The following DAW1 variants were observed in gnomAD, a reference collection of about 807,000 sequenced individuals.
DAW1 encodes dynein assembly factor with WD repeat domains 1.
Under a neutral mutation model 56.5 loss-of-function variants are expected in DAW1, and 47 were observed. The ratio of observed to expected loss-of-function variants is 0.83; its 90% confidence interval spans 0.66 to 1.06. The LOEUF (loss-of-function observed/expected upper bound fraction) is 1.06. Among genes scored for constraint, DAW1 ranks in the 50% least tolerant of loss-of-function variants. The pLI, the probability that DAW1 is intolerant of heterozygous loss-of-function variation, is 0.00. For synonymous variants in DAW1, 190 were observed against 179.0 expected (o/e 1.06, Z -0.49); for missense variants, 505 against 499.3 (o/e 1.01, Z -0.11).
At chr2:227,913,729 C>G (rs561152056) in intron 10 of DAW1, among the ~76,000 whole-genome samples, 2 of 152,148 alleles carry the variant, frequency 1.3e-5, no homozygotes, top group East Asian at 3.9e-4. Flanking sequence ...TTGTAGAATC[C>G]TTGTACACCA....
intron 1 of DAW1, among the ~76,000 whole-genome samples, chr2:227,883,054 CT>C (rs1239665030): frequency 2.0e-5 from 3 of 152,152 alleles, no homozygotes; most frequent in Non-Finnish European, 1.5e-5. Context: ...GATGAACCAA[CT>C]TTTTTTCATG....
At chr2:227,890,948 C>T (rs970055049) in intron 3 of DAW1, among the ~76,000 whole-genome samples, 1 of 152,222 alleles carries the variant, frequency 6.6e-6, no homozygotes, top group Non-Finnish European at 1.5e-5. Flanking sequence ...CATATTCTGA[C>T]ACTAAAGGAG....
chr2:227,895,450 A>T (rs1447236945), intron 5 of DAW1: 2 of 152,234 alleles, frequency 1.3e-5, no homozygotes, highest in African/African-American at 2.4e-5. Context: ...ACAGTAAATG[A>T]TTTAACAATT....
At chr2:227,903,259 C>A in intron 7 of DAW1, 150 bp downstream of exon 7, 1 of 796,540 alleles carries the variant, frequency 1.3e-6, no homozygotes, top group Non-Finnish European at 2.0e-6. Flanking sequence ...CTGGCTATTC[C>A]AAAAGACTTG....
rs548221359 is a variant in DAW1 at position 227,901,545 on chromosome 2, G to A, written c.541-1457G>A. ...TATGGAGAGGGACTGACAGAATCTT[G>A]GGAGGATGGAGAAGAGAGAACTTCA... On this transcript the variant is annotated intron_variant, in intron 6 of 12. Transcript: ENST00000309931. 4.6e-5 allele frequency among the ~76,000 whole-genome samples: 7 copies of A among 152,208 alleles called. No homozygotes were observed. The East Asian group carries it at 1.4e-3, about 29-fold the overall frequency.
In DAW1 at chr2:227,871,849, A is replaced by C. The variant is rs111357203; in HGVS notation, c.40+120A>C. ...CGGCGGGGTCCCCAGGTGGGGCAGG[A>C]AGTCGGGCACTTCCCAACCTGTGCC... On this transcript the variant is annotated intron_variant, in intron 1 of 12. Transcript: ENST00000309931. 1,470 of 1,356,406 alleles carry C rather than the reference A, an allele frequency of 1.1e-3. 16 individuals are homozygous for C. The African/African-American group carries it at 0.02, about 18-fold the overall frequency. The allele number at this position is 1,356,406 out of a possible 1,614,324, so 84.0% of individuals were successfully genotyped here.
intron 5 of DAW1, 66 bp from the exon 6 acceptor site, chr2:227,898,116 A>G: frequency 9.4e-7 from 1 of 1,065,152 alleles, no homozygotes; most frequent in East Asian, 3.1e-5. Context: ...TTAATATCTC[A>G]TCTTAGTTCA....
intron 10 of DAW1, among the ~76,000 whole-genome samples, chr2:227,908,915 T>C (rs1388758720): frequency 1.3e-5 from 2 of 152,200 alleles, no homozygotes; most frequent in Non-Finnish European, 2.9e-5. Flanking sequence ...ACTACATCGA[T>C]ACCATCTACC....
intron 1 of DAW1, among the ~76,000 whole-genome samples, chr2:227,878,943 A>G (rs1408280035): frequency 6.6e-6 from 1 of 151,336 alleles, no homozygotes; most frequent in African/African-American, 2.4e-5. Context: ...ATGCCACCAC[A>G]CTTGGCTAAT....
chr2:227,912,133 G>A (rs1419512672), intron 10 of DAW1: 2 of 363,632 alleles, frequency 5.5e-6, no homozygotes, highest in Admixed American at 3.7e-5. Flanking sequence ...ACTTATGTGT[G>A]TACATTGTCT....
Position 227,872,291 on chromosome 2 carries a change from A to AG in DAW1, c.40+562_40+563insG, listed in dbSNP as rs1255525398. Reference sequence around the variant, plus strand: ...AAACATCTGCAAAAAAAAAAAAAAAAAGAAAAAAAAGAAAAAAATCTGCAA... The same window carrying AG: ...AAACATCTGCAAAAAAAAAAAAAAAAGAGAAAAAAAAGAAAAAAATCTGCAA... On this transcript the variant is annotated intron_variant, in intron 1 of 12. Transcript: ENST00000309931. 6 of 132,006 alleles carry AG rather than the reference A, an allele frequency of 4.5e-5. No individual in the cohort carries two copies. The East Asian group carries it at 1.3e-3, about 28-fold the overall frequency. The allele number at this position is 132,006 out of a possible 1,614,324, so 8.2% of individuals were successfully genotyped here. A position where few individuals can be genotyped will look rare whatever the true frequency, so the allele number is the denominator to read the frequency against.
chr2:227,918,782 A>G lies in DAW1; in HGVS notation c.976A>G (p.Thr326Ala). ...ATATCCCCACCCCTCTCAAAAAGGA[A>G]CAGCAAGAATTTTCAGTGCTGCCAC... is the stretch of plus-strand genomic sequence containing the variant. ...KLIATASADG[T>A]ARIFSAATRK... The change falls in exon 11 of 13, where the codon ACA becomes GCA. Residue 326 changes from threonine (T) to alanine (A), a missense_variant and splice_region_variant. Coordinates refer to ENST00000309931, the MANE Select transcript of DAW1 (RefSeq NM_178821.3). The G allele has an allele frequency of 8.7e-6, 14 of 1,614,156 alleles. No individual in the cohort carries two copies. The highest frequency in any genetic ancestry group is 2.2e-5 in the East Asian group (1 of 44,878).
At chr2:227,882,426 C>T (rs189424158) in intron 1 of DAW1, among the ~76,000 whole-genome samples, 1 of 152,304 alleles carries the variant, frequency 6.6e-6, no homozygotes, top group East Asian at 1.9e-4. Context: ...GACACACACT[C>T]ACAATAGGAA....
rs1691458999 is a variant in DAW1 at position 227,898,240 on chromosome 2, G to T, written c.499G>T (p.Gly167Ter). 1 of 1,576,142 alleles carries T rather than the reference G, an allele frequency of 6.3e-7. No homozygotes were observed. Among genetic ancestry groups the T allele is most frequent in the Non-Finnish European group, 8.6e-7 (1 of 1,158,336 alleles). ...TTGTAAACTCTGGAGTGTGGAAACA[G>T]GAAAATGTTACCATACCTTCAGGGG... is the stretch of plus-strand genomic sequence containing the variant. ...KTCKLWSVET[G>*]KCYHTFRGHT... Residue 167 changes from glycine (G) to a stop codon, truncating the protein, a stop_gained, in exon 6 of 13, where the codon GGA (glycine) becomes TGA (stop). Coordinates refer to ENST00000309931, the MANE Select transcript of DAW1 (RefSeq NM_178821.3). LOFTEE classifies it high-confidence loss of function.
chr2:227,876,302 G>T (rs1411620704), intron 1 of DAW1: 1 of 604,498 alleles, frequency 1.7e-6, no homozygotes, highest in African/African-American at 2.0e-5. Flanking sequence ...TGACAGGCGT[G>T]AGCCACTGTG....
chr2:227,915,349 T>C (rs535788440), intron 10 of DAW1, among the ~76,000 whole-genome samples: 1 of 152,222 alleles, frequency 6.6e-6, no homozygotes, highest in South Asian at 2.1e-4. Context: ...GTATGTGTCA[T>C]CACTTGTGTG....
At chr2:227,897,515 G>T (rs1691439321) in intron 5 of DAW1, among the ~76,000 whole-genome samples, 1 of 152,186 alleles carries the variant, frequency 6.6e-6, no homozygotes. Flanking sequence ...GTAAAAGACA[G>T]TTGTAAGCCA....
intron 11 of DAW1, among the ~76,000 whole-genome samples, chr2:227,919,405 C>T (rs1463980825): frequency 1.3e-5 from 2 of 152,044 alleles, no homozygotes; most frequent in Non-Finnish European, 2.9e-5. Flanking sequence ...GCATTCGCCT[C>T]CACTGTCAGC....
At chr2:227,876,020 CT>C (rs5839239) in intron 1 of DAW1, among the ~76,000 whole-genome samples, 27,770 of 147,702 alleles carry the variant, frequency 0.19, 3,184 homozygotes, top group Middle Eastern at 0.3. Flanking sequence ...AGGATTCTCT[CT>C]TTTTTTTTTT....
Sources: gnomAD v4.1 joint callset for allele counts (sites outside exome capture counted in the v4.1 genomes callset) on GRCh38, gnomAD v4.1.1 for gene constraint, MANE v1.5 for transcripts, NCBI Gene and HGNC (gene_info 2026-07-23, HGNC 2026-07-21) for gene names.